ATP2B2: variants seen among roughly 807,000 people sequenced by gnomAD.
ATP2B2 encodes plasma membrane calcium-transporting ATPase 2.
A neutral mutation model predicts 120.0 loss-of-function variants in ATP2B2; 15 were observed. The observed-to-expected ratio is 0.12, with a 90% CI of 0.08 to 0.19. The LOEUF is 0.19. ATP2B2 is among the 10% of genes least tolerant of loss of function. The probability of loss-of-function intolerance (pLI) is 1.00; values close to 1 mark genes in which losing one functional copy is unlikely to be tolerated. For synonymous variants in ATP2B2, 694 were observed against 700.3 expected (o/e 0.99, Z 0.14); for missense variants, 1,045 against 1,719.8 (o/e 0.61, Z 6.94).
intron 1 of ATP2B2, among the ~76,000 whole-genome samples, chr3:10,675,607 G>A (rs1057510187): frequency 1.3e-5 from 2 of 152,148 alleles, no homozygotes; most frequent in Non-Finnish European, 2.9e-5. Flanking sequence ...GTGTAGCCCA[G>A]GGTGCCTGTG....
chr3:10,398,204 G>C (rs1405869595), intron 5 of ATP2B2, among the ~76,000 whole-genome samples: 1 of 152,172 alleles, frequency 6.6e-6, no homozygotes, highest in African/African-American at 2.4e-5. Context: ...AAGGCCACTA[G>C]AAACCATCCA....
At chr3:10,665,523 A>G (rs752570427) in intron 1 of ATP2B2, among the ~76,000 whole-genome samples, 29 of 152,038 alleles carry the variant, frequency 1.9e-4, no homozygotes, top group Non-Finnish European at 3.2e-4. Flanking sequence ...CTGGGCTGGG[A>G]GAGACCCTTA....
At chr3:10,527,785 G>A (rs959029070) in intron 3 of ATP2B2, among the ~76,000 whole-genome samples, 2 of 152,204 alleles carry the variant, frequency 1.3e-5, no homozygotes, top group African/African-American at 2.4e-5. Flanking sequence ...TGTCCCCGCT[G>A]GGTTTCAGGC....
At chr3:10,581,535 C>T (rs998257006) in intron 2 of ATP2B2, among the ~76,000 whole-genome samples, 1 of 152,116 alleles carries the variant, frequency 6.6e-6, no homozygotes, top group East Asian at 1.9e-4. Context: ...TGTTTGTGGG[C>T]GATTCATCCA....
intron 3 of ATP2B2, among the ~76,000 whole-genome samples, chr3:10,406,615 C>T (rs1412820818): frequency 6.6e-6 from 1 of 152,206 alleles, no homozygotes; most frequent in Non-Finnish European, 1.5e-5. Context: ...GCTGTGCCAT[C>T]TAGGTATGTG....
At chr3:10,429,666 A>C (rs949271450) in intron 2 of ATP2B2, among the ~76,000 whole-genome samples, 4 of 152,158 alleles carry the variant, frequency 2.6e-5, no homozygotes, top group African/African-American at 9.7e-5. Flanking sequence ...TAATAACTCT[A>C]CCATGGCCTC....
At chr3:10,421,347 CACAGGG>C (rs2062973705) in intron 2 of ATP2B2, among the ~76,000 whole-genome samples, 2 of 152,178 alleles carry the variant, frequency 1.3e-5, no homozygotes, top group Non-Finnish European at 2.9e-5. Flanking sequence ...TGCCAGCTCC[CACAGGG>C]CCCTTCTCCT....
Position 10,582,861 on chromosome 3 carries a change from C to T in ATP2B2, c.-415+37056G>A, listed in dbSNP as rs770765799. 3.6e-4 allele frequency among the ~76,000 whole-genome samples: 55 copies of T among 152,354 alleles called. No homozygotes were observed. The Middle Eastern group carries it at 0.01, about 28-fold the overall frequency. On this transcript the variant is annotated intron_variant, in intron 2 of 21. Transcript: ENST00000646379. ...GGGCAGCCACACCACATGGCTCCAG[C>T]TGGTACCATGCATTCTGCATCTACC...
intron 1 of ATP2B2, among the ~76,000 whole-genome samples, chr3:10,658,183 A>G (rs545790493): frequency 2.6e-4 from 39 of 152,374 alleles, no homozygotes; most frequent in Non-Finnish European, 3.1e-4. Flanking sequence ...TAAAAATCAG[A>G]GCACCTCTTC....
At chr3:10,344,274 C>T (rs1015815674) in intron 18 of ATP2B2, among the ~76,000 whole-genome samples, 1 of 152,126 alleles carries the variant, frequency 6.6e-6, no homozygotes, top group Non-Finnish European at 1.5e-5. Context: ...GGCATCAAGA[C>T]CTTCTGGTTT....
intron 3 of ATP2B2, among the ~76,000 whole-genome samples, chr3:10,409,220 C>T (rs1365401455): frequency 6.6e-6 from 1 of 152,208 alleles, no homozygotes; most frequent in Non-Finnish European, 1.5e-5. Context: ...AGAAGGCTGC[C>T]TATTGTGCAT....
At chr3:10,406,211 A>T (rs2062404878) in intron 3 of ATP2B2, among the ~76,000 whole-genome samples, 1 of 152,212 alleles carries the variant, frequency 6.6e-6, no homozygotes. Flanking sequence ...CCTGTTCATC[A>T]GGGGGCATCC....
intron 2 of ATP2B2, among the ~76,000 whole-genome samples, chr3:10,564,918 GACC>G (rs2067979789): frequency 6.6e-6 from 1 of 152,174 alleles, no homozygotes. Context: ...TGCTTAGATA[GACC>G]ACATTTTCCA....
At chr3:10,379,772 A>G (rs1236018655) in intron 8 of ATP2B2, among the ~76,000 whole-genome samples, 3 of 147,594 alleles carry the variant, frequency 2.0e-5, no homozygotes, top group African/African-American at 4.9e-5. Context: ...AGGGGGAGAG[A>G]GAGAGAAAGA....
Position 10,540,869 on chromosome 3 carries a change from TA to T in ATP2B2, c.-414-6737del, listed in dbSNP as rs762272139. 7.0e-3 allele frequency among the ~76,000 whole-genome samples: 1,004 copies of T among 144,396 alleles called. 2 individuals carry two copies. Among genetic ancestry groups the T allele is most frequent in the Non-Finnish European group, 0.011 (694 of 65,556 alleles). 94.7% of individuals were successfully genotyped at this position (144,396 alleles called of 152,430 possible). On this transcript the variant is annotated intron_variant, in intron 2 of 21. Transcript: ENST00000646379. ...TGTACCCTAGAACTTAAAATATAAT[TA>T]AAAAAAAAAACTACCTGGTCCTGGG...
chr3:10,345,255 G>T, intron 18 of ATP2B2, 129 bp downstream of exon 18: 1 of 1,040,118 alleles, frequency 9.6e-7, no homozygotes, highest in Non-Finnish European at 1.4e-6. Context: ...CCCAGCAGGT[G>T]CTCCATCGAT....
intron 1 of ATP2B2, among the ~76,000 whole-genome samples, chr3:10,674,567 CAT>C (rs1346652184): frequency 6.6e-6 from 1 of 152,196 alleles, no homozygotes; most frequent in Non-Finnish European, 1.5e-5. Flanking sequence ...TAGGAAGTAA[CAT>C]ATTTTTCTTT....
chr3:10,583,491 A>T (rs748594386), intron 2 of ATP2B2, among the ~76,000 whole-genome samples: 2 of 151,638 alleles, frequency 1.3e-5, no homozygotes, highest in Non-Finnish European at 2.9e-5. Context: ...TTTACCTGGG[A>T]CCTCTCTCAC....
intron 1 of ATP2B2, among the ~76,000 whole-genome samples, chr3:10,657,875 G>T (rs1220586158): frequency 6.6e-6 from 1 of 152,230 alleles, no homozygotes; most frequent in Non-Finnish European, 1.5e-5. Flanking sequence ...ACCTCACACA[G>T]CTGGGTACCC....
Sources: allele counts gnomAD v4.1 joint callset (sites outside exome capture counted in the v4.1 genomes callset), GRCh38; gene constraint gnomAD v4.1.1; transcripts MANE v1.5; gene names NCBI Gene and HGNC (gene_info 2026-07-23, HGNC 2026-07-21).